ATXN7L2: variants seen among roughly 807,000 people sequenced by gnomAD.
ATXN7L2 encodes the protein ataxin-7-like protein 2.
In ATXN7L2, 17 loss-of-function variants were observed where a neutral mutation model predicts 59.6. The observed-to-expected ratio is 0.29, with a 90% CI of 0.20 to 0.43. The LOEUF is 0.43. ATXN7L2 is among the 20% of genes least tolerant of loss of function. The pLI, the probability that ATXN7L2 is intolerant of heterozygous loss-of-function variation, is 1.00. For synonymous variants in ATXN7L2, 378 were observed against 392.5 expected, an observed-to-expected ratio of 0.96 and a Z score of 0.44; for missense variants, 858 against 1,008.9, an observed-to-expected ratio of 0.85 and a Z score of 2.03.
chr1:109,485,197 T>G, intron 1 of ATXN7L2: 5 of 839,250 alleles, frequency 6.0e-6, no homozygotes, highest in South Asian at 5.5e-5. Context: ...TCAGACGGGT[T>G]TGGTGACTCA....
Position 109,488,158 on chromosome 1 carries a change from TG to T in ATXN7L2, c.797-224del, listed in dbSNP as rs1656735342. On this transcript the variant is annotated intron_variant, in intron 5 of 10. Coordinates refer to ENST00000683729, the MANE Select transcript of ATXN7L2 (RefSeq NM_001350175.2). This position sits in a 1 kb window ranked among gnomAD's most constrained non-coding sequence, Gnocchi z 5.0. ...GATGTGTGTTGCCCTGCTTTGGGCT[TG>T]AAGTCCCAAAAGGCGCACCTGAAAT... 6.6e-6 allele frequency among the ~76,000 whole-genome samples: 1 copy of T among 152,226 alleles called. No individual in the cohort carries two copies. Among genetic ancestry groups the T allele is most frequent in the African/African-American group, 2.4e-5 (1 of 41,458 alleles).
At chr1:109,492,518 G>A (rs1657178117) in intron 10 of ATXN7L2, 68 bp from the exon 11 acceptor site, 4 of 1,604,088 alleles carry the variant, frequency 2.5e-6, no homozygotes, top group South Asian at 1.1e-5. Flanking sequence ...AGTGCACACA[G>A]TTCACTGGGT....
rs1232824060 is a variant in ATXN7L2 at position 109,486,751 on chromosome 1, C to T, written c.298+141C>T. On this transcript the variant is annotated intron_variant, in intron 3 of 10. Coordinates refer to ENST00000683729, the MANE Select transcript of ATXN7L2 (RefSeq NM_001350175.2). This position sits in a 1 kb window ranked among gnomAD's most constrained non-coding sequence, Gnocchi z 4.3. ...GAAGGTTGTGGGGGTGGCTTCAGAG[C>T]ATTGTGGGGAGTCGGGTTATTGTTT... 6.4e-6 allele frequency: 5 copies of T among 786,796 alleles called. No homozygotes were observed. The highest frequency in any genetic ancestry group is 8.1e-6 in the Non-Finnish European group (4 of 496,058). 48.7% of individuals were successfully genotyped at this position (786,796 alleles called of 1,614,324 possible).
chr1:109,490,500 C>A, intron 9 of ATXN7L2, 108 bp downstream of exon 9: 1 of 1,451,916 alleles, frequency 6.9e-7, no homozygotes, highest in Non-Finnish European at 9.2e-7. Flanking sequence ...ATAGGTGTGC[C>A]TTGGCTATTT....
In ATXN7L2 at chr1:109,488,011, C is replaced by T. The variant is rs1656725816; in HGVS notation, c.796+207C>T. Among the ~76,000 whole-genome samples the T allele has an allele frequency of 6.6e-6, 1 of 152,194 alleles. No homozygotes were observed. Among genetic ancestry groups the T allele is most frequent in the Non-Finnish European group, 1.5e-5 (1 of 68,036 alleles). ...GTCTCCTGATCAAGGCTGAGGGAGC[C>T]CATGCCCAGGAGGTGAAGTTCTTTC... On this transcript the variant is annotated intron_variant, in intron 5 of 10. Coordinates refer to ENST00000683729, the MANE Select transcript of ATXN7L2 (RefSeq NM_001350175.2). The surrounding 1 kb of genome is among the most constrained non-coding windows in gnomAD (Gnocchi z 5.0).
At position 109,491,102 on chromosome 1, in the gene ATXN7L2, C is replaced by T; in HGVS notation, c.1635C>T (p.Ser545=). Residue 545 remains serine, a synonymous_variant, in exon 10 of 11, where the codon TCC becomes TCT. Coordinates refer to ENST00000683729, the MANE Select transcript of ATXN7L2 (RefSeq NM_001350175.2). The surrounding 1 kb of genome is among the most constrained non-coding windows in gnomAD (Gnocchi z 4.1). ...TTGTCCCCAGCTACCCTGCAGGCTCCCCCAGCGTGGCGGCTGCCTGTAGCC... is the reference window on the plus strand; with the variant it reads ...TTGTCCCCAGCTACCCTGCAGGCTCTCCCAGCGTGGCGGCTGCCTGTAGCC... The part of the protein sequence containing the change: ...DNLVPSYPAG[S]PSVAAACSQA... The T allele has an allele frequency of 2.5e-6, 4 of 1,613,730 alleles. No homozygotes were observed. The highest frequency in any genetic ancestry group is 3.4e-6 in the Non-Finnish European group (4 of 1,180,002).
chr1:109,491,679 C>T lies in ATXN7L2; in HGVS notation c.2212C>T (p.Pro738Ser). 6.2e-7 allele frequency: 1 copy of T among 1,608,294 alleles called. No individual in the cohort carries two copies. Among genetic ancestry groups the T allele is most frequent in the Non-Finnish European group, 8.5e-7 (1 of 1,176,918 alleles). Reference protein sequence around the residue: ...ACSVRRKKPGPALAFEEKCST... With the variant: ...ACSVRRKKPGSALAFEEKCST... ...CTCTGTGCGCCGCAAGAAGCCAGGC[C>T]CGGCCCTGGCCTTTGAGGAGAAGTG... The change falls in exon 10 of 11, where the codon CCG (proline) becomes TCG (serine). Residue 738 changes from proline (P) to serine (S), a missense_variant. Physicochemically the swap from Pro to Ser is moderately conservative, Grantham distance 74. Around this residue, in one of 3 missense-constraint regions of ATXN7L2, gnomAD observed 734 missense variants for 862.3 expected, o/e 0.85. Coordinates refer to ENST00000683729, the MANE Select transcript of ATXN7L2 (RefSeq NM_001350175.2). The surrounding 1 kb of genome is among the most constrained non-coding windows in gnomAD (Gnocchi z 4.1).
At chr1:109,490,175 C>T in intron 8 of ATXN7L2, 47 bp downstream of exon 8, 1 of 1,572,464 alleles carries the variant, frequency 6.4e-7, no homozygotes, top group Non-Finnish European at 8.6e-7. Flanking sequence ...CCCAGCACTC[C>T]TGGCCAACAA....
Position 109,486,806 on chromosome 1 carries a change from C to T in ATXN7L2, c.298+196C>T, listed in dbSNP as rs1656614080. Among the ~76,000 whole-genome samples, 1 of 152,078 alleles carries T rather than the reference C, an allele frequency of 6.6e-6. No individual in the cohort carries two copies. Among genetic ancestry groups the T allele is most frequent in the Non-Finnish European group, 1.5e-5 (1 of 68,018 alleles). ...AAAATTCTAGCATCCAGTGGAATTA[C>T]GGGAGGAGTTAAGACATTCAGGAAG... On this transcript the variant is annotated intron_variant, in intron 3 of 10. Transcript: ENST00000683729. The surrounding 1 kb of genome is among the most constrained non-coding windows in gnomAD (Gnocchi z 4.3).
Position 109,491,940 on chromosome 1 carries a change from C to T in ATXN7L2, c.2250+223C>T. The stretch of plus-strand genomic sequence containing the variant: ...CCTATCCCTAACCCTTTCCCTTGGG[C>T]TGAGGAGATGCGGCACCCCTCCACC... On this transcript the variant is annotated intron_variant, in intron 10 of 10. Coordinates refer to ENST00000683729, the MANE Select transcript of ATXN7L2 (RefSeq NM_001350175.2). The surrounding 1 kb of genome is among the most constrained non-coding windows in gnomAD (Gnocchi z 4.1). 2 of 1,217,694 alleles carry T rather than the reference C, an allele frequency of 1.6e-6. No homozygotes were observed. The highest frequency in any genetic ancestry group is 2.1e-6 in the Non-Finnish European group (2 of 933,960). 75.4% of individuals were successfully genotyped at this position (1,217,694 alleles called of 1,614,324 possible).
chr1:109,487,638 C>T lies in ATXN7L2; in HGVS notation c.630C>T (p.Asp210=). 6.2e-7 allele frequency: 1 copy of T among 1,606,910 alleles called. No individual in the cohort carries two copies. The highest frequency in any genetic ancestry group is 8.5e-7 in the Non-Finnish European group (1 of 1,176,794). ...FLSQPGGLTK[D]SPGKPPMAPP... ...GCCAGCCAGGGGGCCTCACCAAGGA[C>T]TCCCCTGGAAAACCTCCCATGGCTC... is the stretch of plus-strand genomic sequence containing the variant. The change falls in exon 5 of 11, where the codon GAC becomes GAT. Residue 210 remains aspartate, a synonymous_variant. Coordinates refer to ENST00000683729, the MANE Select transcript of ATXN7L2 (RefSeq NM_001350175.2).
rs918409610 is a variant in ATXN7L2, at chr1:109,491,108, C to T, written c.1641C>T (p.Ser547=). 11 of 1,613,418 alleles carry T rather than the reference C, an allele frequency of 6.8e-6. No homozygotes were observed. The highest frequency in any genetic ancestry group is 1.7e-4 in the Middle Eastern group (1 of 6,060). The part of the protein sequence containing the change: ...LVPSYPAGSP[S]VAAACSQAEC... ...CCAGCTACCCTGCAGGCTCCCCCAGCGTGGCGGCTGCCTGTAGCCAGGCAG... is the reference window on the plus strand; with the variant it reads ...CCAGCTACCCTGCAGGCTCCCCCAGTGTGGCGGCTGCCTGTAGCCAGGCAG... The change falls in exon 10 of 11, where the codon AGC becomes AGT. Residue 547 remains serine (S), a synonymous_variant. Transcript: ENST00000683729. This position sits in a 1 kb window ranked among gnomAD's most constrained non-coding sequence, Gnocchi z 4.1.
At chr1:109,484,879 A>G (rs1043902005) in intron 1 of ATXN7L2, among the ~76,000 whole-genome samples, 3 of 152,156 alleles carry the variant, frequency 2.0e-5, no homozygotes, top group Admixed American at 1.3e-4. Flanking sequence ...CTCTAATGAC[A>G]CTTGTTCTCC....
chr1:109,484,948 C>T (rs1656470213), intron 1 of ATXN7L2, among the ~76,000 whole-genome samples: 1 of 152,220 alleles, frequency 6.6e-6, no homozygotes, highest in Non-Finnish European at 1.5e-5. Flanking sequence ...TTGCATTTAA[C>T]GGACTTAGAG....
Position 109,488,558 on chromosome 1 carries a change from G to T in ATXN7L2, c.879+93G>T. 1 of 1,405,298 alleles carries T rather than the reference G, an allele frequency of 7.1e-7. No individual in the cohort carries two copies. 87.1% of individuals were successfully genotyped at this position (1,405,298 alleles called of 1,614,324 possible). Reference sequence around the variant, plus strand: ...AGAGAGGAATGTCGATGTTACTGAAGGTCCAGCTTAAGGGAGGGCAGTTAG... The same window carrying T: ...AGAGAGGAATGTCGATGTTACTGAATGTCCAGCTTAAGGGAGGGCAGTTAG... On this transcript the variant is annotated intron_variant, in intron 6 of 10. Transcript: ENST00000683729. This position sits in a 1 kb window ranked among gnomAD's most constrained non-coding sequence, Gnocchi z 5.0.
chr1:109,490,237 C>T (rs778835491), intron 8 of ATXN7L2, 34 bp from the exon 9 acceptor site: 12 of 1,610,350 alleles, frequency 7.5e-6, no homozygotes, highest in Non-Finnish European at 1.0e-5. Flanking sequence ...GCACCCCAGA[C>T]CCTGCCAACC....
chr1:109,490,012 A>C lies in ATXN7L2; in HGVS notation c.1216A>C (p.Met406Leu). Reference sequence around the variant, plus strand: ...GGACCCAGGCCTGTTCCCCTTCCCCATGCCCCGGGGTGGGACCCAGGCCTC... The same window carrying C: ...GGACCCAGGCCTGTTCCCCTTCCCCCTGCCCCGGGGTGGGACCCAGGCCTC... The part of the protein sequence containing the change: ...DGDPGLFPFP[M>L]PRGGTQASSE... The change falls in exon 8 of 11, where the codon ATG becomes CTG. Residue 406 changes from methionine to leucine, a missense_variant. Transcript: ENST00000683729. 1 of 1,613,064 alleles carries C rather than the reference A, an allele frequency of 6.2e-7. No homozygotes were observed. Among genetic ancestry groups the C allele is most frequent in the Non-Finnish European group, 8.5e-7 (1 of 1,179,650 alleles).
At position 109,487,120 on chromosome 1, in the gene ATXN7L2, G is replaced by T; in HGVS notation, c.412G>T (p.Ala138Ser). 1 of 1,612,016 alleles carries T rather than the reference G, an allele frequency of 6.2e-7. No homozygotes were observed. Among genetic ancestry groups the T allele is most frequent in the East Asian group, 2.2e-5 (1 of 44,762 alleles). The change falls in exon 4 of 11, where the codon GCC becomes TCC. Residue 138 changes from alanine to serine, a missense_variant. Physicochemically the swap from Ala to Ser is moderately conservative, Grantham distance 99 (BLOSUM62 1). This residue lies in a region of ATXN7L2 where 734 missense variants were observed against 862.3 expected (regional missense o/e 0.85). Coordinates refer to ENST00000683729, the MANE Select transcript of ATXN7L2 (RefSeq NM_001350175.2). Reference sequence around the variant, plus strand: ...GAATGGGCAGGGCCCAGCTTGTAGGGCCCCAGGTTCCACGAAAACCTCCTC... The same window carrying T: ...GAATGGGCAGGGCCCAGCTTGTAGGTCCCCAGGTTCCACGAAAACCTCCTC... ...VVNGQGPACR[A>S]PGSTKTSSRE...
At chr1:109,484,228 C>T in intron 1 of ATXN7L2, 148 bp downstream of exon 1, 1 of 847,214 alleles carries the variant, frequency 1.2e-6, no homozygotes, top group Non-Finnish European at 1.6e-6. Context: ...GTCCTAGTGC[C>T]CGCCCGCTCC....
Sources: allele counts gnomAD v4.1 joint callset (sites outside exome capture counted in the v4.1 genomes callset), GRCh38; gene constraint gnomAD v4.1.1; regional missense constraint gnomAD v4.1.1; non-coding constraint Gnocchi (gnomAD v3.1); transcripts MANE v1.5; gene names NCBI Gene and HGNC (gene_info 2026-07-23, HGNC 2026-07-21).